N4BP2L2: variants seen among roughly 807,000 people sequenced by gnomAD.
N4BP2L2 encodes the protein NEDD4-binding protein 2-like 2.
Under a neutral mutation model 56.2 loss-of-function variants are expected in N4BP2L2, and 50 were observed. That is an observed-to-expected ratio of 0.89 (90% confidence interval 0.71 to 1.13). The LOEUF (loss-of-function observed/expected upper bound fraction) is 1.13, where lower values mean the gene tolerates loss of function less well. N4BP2L2 is among the 50% of genes most tolerant of loss of function. The probability of loss-of-function intolerance (pLI) is 0.00; values close to 1 mark genes in which losing one functional copy is unlikely to be tolerated. For missense variants in N4BP2L2, 689 were observed against 693.8 expected (o/e 0.99, Z 0.08); for synonymous variants, 203 against 223.6 (o/e 0.91, Z 0.82).
chr13:32,433,805 C>A (rs2075114833), intron 9 of N4BP2L2, among the ~76,000 whole-genome samples: 1 of 149,672 alleles, frequency 6.7e-6, no homozygotes, highest in African/African-American at 2.5e-5. Context: ...GTGGCGGGCG[C>A]CTGTAATTCC....
At chr13:32,503,752 GA>G (rs1458974393) in intron 6 of N4BP2L2, among the ~76,000 whole-genome samples, 11 of 152,192 alleles carry the variant, frequency 7.2e-5, no homozygotes, top group African/African-American at 2.2e-4. Flanking sequence ...AGCTTCCTTA[GA>G]ACTTAGTCAT....
intron 6 of N4BP2L2, chr13:32,480,680 A>G (rs1395980813): frequency 8.4e-7 from 1 of 1,192,902 alleles, no homozygotes; most frequent in Non-Finnish European, 1.1e-6. Context: ...CACAACTTTT[A>G]AAGTGCTTTC....
chr13:32,531,323 T>C lies in N4BP2L2; in HGVS notation c.1260-3791A>G, dbSNP rs551230969. On this transcript the variant is annotated intron_variant, in intron 2 of 5. Transcript: ENST00000267068. ...AGCCTTGAGTAATCAATGTACTCTA[T>C]ACTTATAATTTCTCACGTAAGAAAC... 3.3e-4 allele frequency among the ~76,000 whole-genome samples: 51 copies of C among 152,356 alleles called. 1 individual carries two copies. Among genetic ancestry groups the C allele is most frequent in the African/African-American group, 1.2e-3 (50 of 41,584 alleles).
intron 6 of N4BP2L2, chr13:32,478,019 A>T (rs754418581): frequency 1.6e-6 from 2 of 1,289,406 alleles, no homozygotes; most frequent in South Asian, 2.5e-5. Context: ...ATCTTGTACC[A>T]GAACCTCATC....
chr13:32,443,338 C>T (rs2076615368), exon 7 of N4BP2L2: 1 of 1,613,976 alleles, frequency 6.2e-7, no homozygotes, highest in African/African-American at 1.3e-5. Context: ...TTTCTTTGGT[C>T]TCTGTTCACA....
At chr13:32,498,987 TAAAAAAAA>T (rs34972549) in intron 6 of N4BP2L2, among the ~76,000 whole-genome samples, 3 of 87,134 alleles carry the variant, frequency 3.4e-5, no homozygotes, top group African/African-American at 9.0e-5. Context: ...AGACTCTGTC[TAAAAAAAA>T]AAAAAAAAAA....
At chr13:32,488,044 C>G (rs1048236415) in intron 6 of N4BP2L2, among the ~76,000 whole-genome samples, 2 of 152,004 alleles carry the variant, frequency 1.3e-5, no homozygotes, top group Non-Finnish European at 2.9e-5. Flanking sequence ...GTACTATCAT[C>G]ATCCCCATTT....
chr13:32,496,375 C>T (rs766854585), intron 6 of N4BP2L2, among the ~76,000 whole-genome samples: 37 of 152,156 alleles, frequency 2.4e-4, no homozygotes, highest in Non-Finnish European at 3.8e-4. Context: ...CACCGCCTTA[C>T]AATTTCCAGA....
At chr13:32,535,814 A>G (rs1425033721) in exon 2 of N4BP2L2, 2 of 1,614,142 alleles carry the variant, frequency 1.2e-6, no homozygotes, top group South Asian at 1.1e-5. Flanking sequence ...TCTTAAAAGA[A>G]TAAGTAACTT....
intron 2 of N4BP2L2, among the ~76,000 whole-genome samples, chr13:32,534,840 C>T (rs968036023): frequency 6.6e-6 from 1 of 152,158 alleles, no homozygotes; most frequent in African/African-American, 2.4e-5. Context: ...CTTGAATCAT[C>T]TTATATAAAC....
chr13:32,439,854 TCCAAAAAAA>T (rs1227803735), intron 7 of N4BP2L2, among the ~76,000 whole-genome samples: 14 of 43,470 alleles, frequency 3.2e-4, no homozygotes, highest in African/African-American at 5.9e-4. Flanking sequence ...CTATTAAGAA[TCCAAAAAAA>T]AAAAAAAAAA....
intron 2 of N4BP2L2, among the ~76,000 whole-genome samples, 189 bp downstream of exon 2, chr13:32,535,580 A>AT (rs1171472116): frequency 6.6e-6 from 1 of 152,030 alleles, no homozygotes; most frequent in Non-Finnish European, 1.5e-5. Context: ...TTTTTATTTC[A>AT]TTTTTTAGAG....
intron 6 of N4BP2L2, among the ~76,000 whole-genome samples, chr13:32,492,905 G>C (rs2087502358): frequency 7.1e-6 from 1 of 139,934 alleles, no homozygotes; most frequent in African/African-American, 2.7e-5. Flanking sequence ...TGAATGTTTT[G>C]TAGCTTTTCT....
intron 2 of N4BP2L2, among the ~76,000 whole-genome samples, chr13:32,533,522 T>C (rs931570112): frequency 2.7e-5 from 4 of 147,598 alleles, no homozygotes; most frequent in Admixed American, 1.3e-4. Context: ...CTAATTTTTT[T>C]TTTTTTTTTT....
At chr13:32,487,580 G>A (rs1430389917) in intron 6 of N4BP2L2, among the ~76,000 whole-genome samples, 1 of 151,374 alleles carries the variant, frequency 6.6e-6, no homozygotes, top group Non-Finnish European at 1.5e-5. Context: ...GCTGAGGCAG[G>A]ACAATCACTT....
chr13:32,480,049 C>CA (rs1310176288), intron 6 of N4BP2L2, among the ~76,000 whole-genome samples: 1 of 151,836 alleles, frequency 6.6e-6, no homozygotes, highest in Non-Finnish European at 1.5e-5. Flanking sequence ...GATAAAGACA[C>CA]AAAAAATCCT....
chr13:32,442,549 C>T (rs1363624924), exon 7 of N4BP2L2: 2 of 1,613,802 alleles, frequency 1.2e-6, no homozygotes, highest in Admixed American at 1.7e-5. Context: ...TCTATCAAAC[C>T]TTTCATTTAA....
intron 7 of N4BP2L2, among the ~76,000 whole-genome samples, chr13:32,440,612 G>A (rs2076169566): frequency 1.3e-5 from 2 of 151,636 alleles, no homozygotes; most frequent in African/African-American, 4.9e-5. Flanking sequence ...ACAGGCATGT[G>A]CCACAATTCC....
chr13:32,472,346 G>A (rs554778008), intron 6 of N4BP2L2, among the ~76,000 whole-genome samples: 1 of 152,320 alleles, frequency 6.6e-6, no homozygotes, highest in African/African-American at 2.4e-5. Flanking sequence ...TCCACTTTCT[G>A]GTTCTTACTT....
Sources: allele counts gnomAD v4.1 joint callset (sites outside exome capture counted in the v4.1 genomes callset), GRCh38; gene constraint gnomAD v4.1.1; transcripts MANE v1.5; gene names NCBI Gene and HGNC (gene_info 2026-07-23, HGNC 2026-07-21).